Variants in TRPC7 observed in about 807,000 individuals in gnomAD.
TRPC7 encodes the protein transient receptor potential cation channel subfamily C member 7.
Under a neutral mutation model 90.1 loss-of-function variants are expected in TRPC7, and 42 were observed. The ratio of observed to expected loss-of-function variants is 0.47; its 90% CI spans 0.36 to 0.60. The LOEUF (loss-of-function observed/expected upper bound fraction) is 0.60. Ranked by LOEUF, TRPC7 falls within the 20% of genes least tolerant of loss-of-function variation. The pLI is 0.00. For missense variants in TRPC7, 955 were observed against 1,112.3 expected (o/e 0.86, Z 2.01); for synonymous variants, 451 against 436.3 (o/e 1.03, Z -0.42).
intron 8 of TRPC7, among the ~76,000 whole-genome samples, chr5:136,227,150 T>C (rs1755654192): frequency 6.6e-6 from 1 of 152,162 alleles, no homozygotes; most frequent in Non-Finnish European, 1.5e-5. Context: ...CAGGTTCTGT[T>C]CTTTCTGACA....
intron 2 of TRPC7, among the ~76,000 whole-genome samples, chr5:136,327,685 G>A (rs1184320132): frequency 6.6e-6 from 1 of 152,210 alleles, no homozygotes; most frequent in Non-Finnish European, 1.5e-5. Flanking sequence ...GACCCATAGA[G>A]GGATTAAAAC....
chr5:136,312,294 T>C (rs2149837659), intron 3 of TRPC7, among the ~76,000 whole-genome samples: 1 of 152,226 alleles, frequency 6.6e-6, no homozygotes, highest in South Asian at 2.1e-4. Flanking sequence ...GAATGATGTC[T>C]TTTCCCAGGG....
At chr5:136,302,437 C>T (rs1039750338) in intron 3 of TRPC7, among the ~76,000 whole-genome samples, 1 of 152,150 alleles carries the variant, frequency 6.6e-6, no homozygotes, top group Non-Finnish European at 1.5e-5. Flanking sequence ...ACAAGAACCC[C>T]CAATCCCTTA....
Position 136,356,631 on chromosome 5 carries a change from C to G in TRPC7, c.757G>C (p.Ala253Pro). ...ACCTTAAATTCAGTCTCAATGTTGG[C>G]TAGTCTGGCTAACTCGTTGCTGAGC... ...LELSNELARL[A>P]NIETEFKNDY... is the part of the protein sequence containing the mutation. Residue 253 changes from alanine (A) to proline (P), a missense_variant, in exon 2 of 12, where the codon GCC (alanine) becomes CCC (proline). Ala to Pro is a conservative substitution (Grantham distance 27). This residue lies in a region of TRPC7 where 484 missense variants were observed against 509.6 expected (regional missense o/e 0.95). Transcript: ENST00000513104. 1 of 1,543,470 alleles carries G rather than the reference C, an allele frequency of 6.5e-7. No individual in the cohort carries two copies. The highest frequency in any genetic ancestry group is 8.7e-7 in the Non-Finnish European group (1 of 1,144,760).
chr5:136,348,712 C>G (rs1056230840), intron 2 of TRPC7, among the ~76,000 whole-genome samples: 4 of 152,168 alleles, frequency 2.6e-5, no homozygotes, highest in Admixed American at 1.3e-4. Flanking sequence ...TAGGGCCTGC[C>G]TACCTCTGAT....
At chr5:136,274,475 GA>G (rs66630545) in intron 4 of TRPC7, among the ~76,000 whole-genome samples, 197 bp downstream of exon 4, 5 of 146,594 alleles carry the variant, frequency 3.4e-5, no homozygotes, top group East Asian at 2.0e-4. Flanking sequence ...CTCTCTCTTT[GA>G]AAAAAAAAAG....
chr5:136,345,936 G>C (rs998426236), intron 2 of TRPC7, among the ~76,000 whole-genome samples: 36 of 152,092 alleles, frequency 2.4e-4, no homozygotes, highest in African/African-American at 8.0e-4. Context: ...AGTTTTCCCA[G>C]CACCATTTGT....
intron 9 of TRPC7, 70 bp from the exon 10 acceptor site, chr5:136,225,424 G>T (rs1227594517): frequency 2.1e-6 from 3 of 1,459,440 alleles, no homozygotes; most frequent in Non-Finnish European, 2.8e-6. Flanking sequence ...TATCTCGTAG[G>T]ACTTGAACAG....
At chr5:136,303,001 C>T (rs1758457685) in intron 3 of TRPC7, among the ~76,000 whole-genome samples, 1 of 152,144 alleles carries the variant, frequency 6.6e-6, no homozygotes, top group Admixed American at 6.5e-5. Flanking sequence ...CTAATTCTTC[C>T]TCAGCCTCCG....
intron 4 of TRPC7, among the ~76,000 whole-genome samples, chr5:136,269,254 T>G (rs1561694969): frequency 6.6e-6 from 1 of 152,178 alleles, no homozygotes; most frequent in Non-Finnish European, 1.5e-5. Context: ...AGAACTGAAG[T>G]CTCTGGCTCA....
At chr5:136,350,634 G>T (rs1580985674) in intron 2 of TRPC7, among the ~76,000 whole-genome samples, 1 of 152,312 alleles carries the variant, frequency 6.6e-6, no homozygotes, top group Admixed American at 6.5e-5. Flanking sequence ...ATAAGCAGAA[G>T]TCACTTTGTC....
chr5:136,213,393 C>A lies in TRPC7; in HGVS notation c.*42G>T, dbSNP rs373487347. 58 of 1,604,382 alleles carry A rather than the reference C, an allele frequency of 3.6e-5. No individual in the cohort carries two copies. Among genetic ancestry groups the A allele is most frequent in the African/African-American group, 5.4e-5 (4 of 74,714 alleles). On this transcript the variant is annotated 3_prime_UTR_variant, in exon 12 of 12. Transcript: ENST00000513104. ...ATGGGGGCGAGGGCATCCAACCTGG[C>A]CTTGGAATGCTGGTAGAAGTCACAG...
chr5:136,274,571 T>C, intron 4 of TRPC7, 102 bp downstream of exon 4: 1 of 1,238,764 alleles, frequency 8.1e-7, no homozygotes, highest in Non-Finnish European at 1.0e-6. Flanking sequence ...TCTTTAAATA[T>C]GGGAAAAAAT....
intron 1 of TRPC7, among the ~76,000 whole-genome samples, chr5:136,361,807 A>T (rs1388966641): frequency 6.6e-6 from 1 of 152,132 alleles, no homozygotes; most frequent in Non-Finnish European, 1.5e-5. Flanking sequence ...AAGAGTACAT[A>T]TTCTGAGTAT....
chr5:136,329,647 C>T (rs866975494), intron 2 of TRPC7, among the ~76,000 whole-genome samples: 2 of 152,128 alleles, frequency 1.3e-5, no homozygotes, highest in Non-Finnish European at 2.9e-5. Flanking sequence ...GTGATGAATA[C>T]GAGCTGACTT....
chr5:136,293,968 G>A (rs1479814453), intron 3 of TRPC7, among the ~76,000 whole-genome samples: 1 of 152,112 alleles, frequency 6.6e-6, no homozygotes, highest in Non-Finnish European at 1.5e-5. Flanking sequence ...ACAGAACAGA[G>A]CCCTCAGAAA....
chr5:136,245,817 G>A (rs933742460), intron 7 of TRPC7, among the ~76,000 whole-genome samples: 8 of 152,184 alleles, frequency 5.3e-5, no homozygotes, highest in African/African-American at 1.9e-4. Flanking sequence ...TATCCATAAA[G>A]GTATTTGTGA....
chr5:136,360,703 G>A (rs866959416), intron 1 of TRPC7, among the ~76,000 whole-genome samples: 4 of 152,082 alleles, frequency 2.6e-5, no homozygotes, highest in Non-Finnish European at 5.9e-5. Flanking sequence ...GAAATCTTAT[G>A]AGCCTTAGAG....
At chr5:136,248,733 G>T (rs1443612707) in intron 6 of TRPC7, among the ~76,000 whole-genome samples, 1 of 152,150 alleles carries the variant, frequency 6.6e-6, no homozygotes, top group African/African-American at 2.4e-5. Context: ...CTCTCCTATG[G>T]GTATTTCTGC....
Sources: allele counts gnomAD v4.1 joint callset (sites outside exome capture counted in the v4.1 genomes callset), GRCh38; gene constraint gnomAD v4.1.1; regional missense constraint gnomAD v4.1.1; transcripts MANE v1.5; gene names NCBI Gene and HGNC (gene_info 2026-07-23, HGNC 2026-07-21).